The following CACNG5 variants were observed in gnomAD, a reference collection of about 807,000 sequenced individuals.
The protein encoded by CACNG5 is voltage-dependent calcium channel gamma-5 subunit.
CACNG5 carries 18 observed loss-of-function variants against 24.8 expected under a neutral mutation model. That is an observed-to-expected ratio of 0.73 (90% CI 0.50 to 1.08). CACNG5 has a LOEUF of 1.08. Among genes scored for constraint, CACNG5 ranks in the 50% least tolerant of loss-of-function variants. The pLI, the probability that CACNG5 is intolerant of heterozygous loss-of-function variation, is 0.00. For missense variants in CACNG5, 349 were observed against 367.9 expected (o/e 0.95, Z 0.42); for synonymous variants, 157 against 149.1 (o/e 1.05, Z -0.39).
At chr17:66,869,165 C>T (rs571658581) in intron 1 of CACNG5, among the ~76,000 whole-genome samples, 1 of 152,226 alleles carries the variant, frequency 6.6e-6, no homozygotes, top group South Asian at 2.1e-4. Context: ...CTCACTGCAA[C>T]CTCCGCCTCC....
chr17:66,869,081 C>A (rs902328697), intron 1 of CACNG5, among the ~76,000 whole-genome samples: 4 of 151,818 alleles, frequency 2.6e-5, no homozygotes, highest in African/African-American at 9.7e-5. Context: ...TTCTTTTTTT[C>A]TTTCTTTCTT....
rs768250158 is a variant in CACNG5, at chr17:66,878,972, G to A, written c.197G>A (p.Gly66Asp). The A allele has an allele frequency of 1.2e-6, 2 of 1,611,318 alleles. No individual in the cohort carries two copies. The highest frequency in any genetic ancestry group is 4.5e-5 in the East Asian group (2 of 44,844). ...SGLWRVCFLA[G>D]EERGRCFTIE... ...GGAAATGTGATTCTTGTCTCCACAG[G>A]TGAGGAGCGGGGGCGTTGCTTCACC... The change falls in exon 3 of 6, where the codon GGT (glycine) becomes GAT (aspartate). Residue 66 changes from glycine (G) to aspartate (D), a missense_variant and splice_region_variant. Physicochemically the swap from Gly to Asp is moderately conservative, Grantham distance 94 (BLOSUM62 -1). Transcript: ENST00000533854.
At chr17:66,838,957 A>ATTTTTTTTTTTTTTTTTTTTTTTTTTTTT (rs1435457390) in intron 1 of CACNG5, among the ~76,000 whole-genome samples, 1 of 61,504 alleles carries the variant, frequency 1.6e-5, no homozygotes, top group Non-Finnish European at 3.0e-5. Context: ...TCCCTCACCC[A>ATTTTTTTTTTTTTTTTTTTTTTTTTTTTT]TTCTTTTTTT....
In CACNG5 at chr17:66,887,847, G is replaced by A. The variant is rs1316870798; in HGVS notation, c.*2607G>A. On this transcript the variant is annotated 3_prime_UTR_variant, in exon 6 of 6. Coordinates refer to ENST00000533854, the MANE Select transcript of CACNG5 (RefSeq NM_145811.3). The stretch of plus-strand genomic sequence containing the variant: ...GGTTCTCGGTCATTACCTGTTTGGG[G>A]GTGGGTGCATGTGTCAATAATCACA... Among the ~76,000 whole-genome samples, 1 of 152,074 alleles carries A rather than the reference G, an allele frequency of 6.6e-6. No individual in the cohort carries two copies. The highest frequency in any genetic ancestry group is 2.4e-5 in the African/African-American group (1 of 41,408).
At chr17:66,838,506 C>T (rs370957623) in intron 1 of CACNG5, among the ~76,000 whole-genome samples, 19 of 151,894 alleles carry the variant, frequency 1.3e-4, no homozygotes, top group South Asian at 2.1e-4. Context: ...ATCACCTGGG[C>T]GCCCAGGGGG....
At chr17:66,847,620 C>T (rs1022345565) in intron 1 of CACNG5, among the ~76,000 whole-genome samples, 14 of 152,088 alleles carry the variant, frequency 9.2e-5, no homozygotes, top group East Asian at 1.9e-4. Flanking sequence ...CAATTCAAGA[C>T]GAGATTTGGG....
In CACNG5 at chr17:66,886,290, T is replaced by C. The variant is rs921413422; in HGVS notation, c.*1050T>C. On this transcript the variant is annotated 3_prime_UTR_variant, in exon 6 of 6. Coordinates refer to ENST00000533854, the MANE Select transcript of CACNG5 (RefSeq NM_145811.3). ...GCAAACAAAGGCAGACTTGGAATAATCCAGCTGCTCTCCGAAGGCTGCCTG... is the reference window on the plus strand; with the variant it reads ...GCAAACAAAGGCAGACTTGGAATAACCCAGCTGCTCTCCGAAGGCTGCCTG... Among the ~76,000 whole-genome samples, 4 of 152,166 alleles carry C rather than the reference T, an allele frequency of 2.6e-5. No homozygotes were observed. The highest frequency in any genetic ancestry group is 9.7e-5 in the African/African-American group (4 of 41,434).
In CACNG5 at chr17:66,891,774, G is replaced by A. The variant is rs181860295; in HGVS notation, c.*6534G>A. On this transcript the variant is annotated 3_prime_UTR_variant, in exon 6 of 6. Transcript: ENST00000533854. Reference sequence around the variant, plus strand: ...GAACACATGAGAGATGGGATCTATGGTAGCAACCACCTTTGAGAAACACGA... The same window carrying A: ...GAACACATGAGAGATGGGATCTATGATAGCAACCACCTTTGAGAAACACGA... 2.6e-5 allele frequency among the ~76,000 whole-genome samples: 4 copies of A among 152,308 alleles called. No homozygotes were observed. The highest frequency in any genetic ancestry group is 1.3e-4 in the Admixed American group (2 of 15,302).
rs200253638 is a variant in CACNG5, at chr17:66,844,929, ACT to A, written c.-104+9682_-104+9683del. 1.4e-3 allele frequency among the ~76,000 whole-genome samples: 213 copies of A among 152,228 alleles called. 4 individuals are homozygous for A. In the East Asian group the frequency reaches 0.038, roughly 27 times the overall value. ...ACCAAAATGTCTAGCATAGGGTCTG[ACT>A]CTTCCAAAATTCTCTTCTCTTCATT... is the stretch of plus-strand genomic sequence containing the variant. On this transcript the variant is annotated intron_variant, in intron 1 of 5. Coordinates refer to ENST00000533854, the MANE Select transcript of CACNG5 (RefSeq NM_145811.3).
chr17:66,840,762 G>T (rs78878268), intron 1 of CACNG5, among the ~76,000 whole-genome samples: 1 of 152,192 alleles, frequency 6.6e-6, no homozygotes, highest in Non-Finnish European at 1.5e-5. Context: ...GGGATGGACC[G>T]CAGTGACAGC....
intron 1 of CACNG5, among the ~76,000 whole-genome samples, chr17:66,840,474 A>G (rs1976550878): frequency 6.6e-6 from 1 of 152,104 alleles, no homozygotes; most frequent in African/African-American, 2.4e-5. Context: ...GTTAAGGATC[A>G]TGGTTGAGCA....
chr17:66,883,909 G>A (rs908344015), intron 4 of CACNG5, among the ~76,000 whole-genome samples: 3 of 152,092 alleles, frequency 2.0e-5, no homozygotes, highest in Non-Finnish European at 2.9e-5. Context: ...CGAGGCTGGC[G>A]ATCACTTGAG....
In CACNG5 at chr17:66,886,511, C is replaced by T. The variant is rs545513923; in HGVS notation, c.*1271C>T. On this transcript the variant is annotated 3_prime_UTR_variant, in exon 6 of 6. Transcript: ENST00000533854. Reference sequence around the variant, plus strand: ...CAGAAGCCACTGCAAGCCATGCCCCCCTTCAGCTCTCCAAGTGTCAGCTTA... The same window carrying T: ...CAGAAGCCACTGCAAGCCATGCCCCTCTTCAGCTCTCCAAGTGTCAGCTTA... Among the ~76,000 whole-genome samples the T allele has an allele frequency of 4.6e-5, 7 of 152,340 alleles. No homozygotes were observed. Among genetic ancestry groups the T allele is most frequent in the South Asian group, 4.1e-4 (2 of 4,832 alleles).
chr17:66,836,995 C>T (rs902630437), intron 1 of CACNG5, among the ~76,000 whole-genome samples: 9 of 152,212 alleles, frequency 5.9e-5, no homozygotes, highest in African/African-American at 1.4e-4. Flanking sequence ...TGGAAAACGT[C>T]GGCTCCAAAC....
intron 1 of CACNG5, among the ~76,000 whole-genome samples, chr17:66,845,293 G>C (rs548129930): frequency 2.0e-5 from 3 of 152,132 alleles, no homozygotes; most frequent in South Asian, 4.2e-4. Flanking sequence ...GACCTGTTAG[G>C]GGGGTGGTGG....
chr17:66,844,491 A>T (rs1447327830), intron 1 of CACNG5, among the ~76,000 whole-genome samples: 1 of 152,210 alleles, frequency 6.6e-6, no homozygotes, highest in Non-Finnish European at 1.5e-5. Flanking sequence ...GTCATACAAG[A>T]GGTCCTCGAT....
chr17:66,889,537 G>T lies in CACNG5; in HGVS notation c.*4297G>T, dbSNP rs193066674. On this transcript the variant is annotated 3_prime_UTR_variant, in exon 6 of 6. Transcript: ENST00000533854. ...ACAGAATCAACAGGATGAATATATA[G>T]AGAGAGAAAGATTTATTTTAAGGAA... Among the ~76,000 whole-genome samples the T allele has an allele frequency of 2.9e-3, 442 of 152,298 alleles. 1 individual carries two copies. Among genetic ancestry groups the T allele is most frequent in the African/African-American group, 4.5e-3 (187 of 41,560 alleles).
Position 66,835,190 on chromosome 17 carries a change from C to G in CACNG5, c.-164C>G, listed in dbSNP as rs944962253. 3 of 152,300 alleles carry G rather than the reference C, an allele frequency of 2.0e-5. No individual in the cohort carries two copies. Among genetic ancestry groups the G allele is most frequent in the African/African-American group, 7.2e-5 (3 of 41,472 alleles). The allele number at this position is 152,300 out of a possible 1,614,324, so 9.4% of individuals were successfully genotyped here. On this transcript the variant is annotated 5_prime_UTR_variant, in exon 1 of 6. Coordinates refer to ENST00000533854, the MANE Select transcript of CACNG5 (RefSeq NM_145811.3). ...CAGCCTAGCGCGGTACCTCCCGCCC[C>G]GCGCGCCCAGCCGGCGAGGGACATT...
At chr17:66,881,893 G>C (rs1004823490) in intron 4 of CACNG5, among the ~76,000 whole-genome samples, 1 of 152,134 alleles carries the variant, frequency 6.6e-6, no homozygotes, top group Non-Finnish European at 1.5e-5. Context: ...CATCATGGCA[G>C]GTGCAAGGAA....
Sources: allele counts gnomAD v4.1 joint callset (sites outside exome capture counted in the v4.1 genomes callset), GRCh38; gene constraint gnomAD v4.1.1; transcripts MANE v1.5; gene names NCBI Gene and HGNC (gene_info 2026-07-23, HGNC 2026-07-21).